The following ZNF470 variants were observed in gnomAD, a reference collection of about 807,000 sequenced individuals.
ZNF470 encodes chondrogenesis zinc finger protein 1.
ZNF470 carries 13 observed loss-of-function variants against 13.9 expected under a neutral mutation model. The ratio of observed to expected loss-of-function variants is 0.94; its 90% CI spans 0.61 to 1.49. ZNF470 has a LOEUF of 1.49. ZNF470 is among the 40% of genes most tolerant of loss of function. ZNF470 has a pLI of 0.00. For synonymous variants in ZNF470, 293 were observed against 282.9 expected (o/e 1.04, Z -0.36); for missense variants, 929 against 857.3 (o/e 1.08, Z -1.04).
At position 56,577,477 on chromosome 19, in the gene ZNF470, A is replaced by G. The variant is rs140927905; in HGVS notation, c.1048A>G (p.Ser350Gly). ...YECIECGKAF[S>G]DCSSLAHHRR... ...ATGTATTGAATGTGGGAAGGCTTTT[A>G]GTGATTGCTCATCCCTAGCTCATCA... is the stretch of plus-strand genomic sequence containing the variant. Residue 350 changes from serine to glycine, a missense_variant, in exon 6 of 6, where the codon AGT (serine) becomes GGT (glycine). Transcript: ENST00000330619. 1.6e-5 allele frequency: 26 copies of G among 1,613,460 alleles called. No homozygotes were observed. The Admixed American group carries it at 3.3e-4, about 21-fold the overall frequency.
At chr19:56,569,447 G>A (rs2044434842) in intron 2 of ZNF470, among the ~76,000 whole-genome samples, 2 of 152,286 alleles carry the variant, frequency 1.3e-5, no homozygotes, top group South Asian at 2.1e-4. Context: ...ACTGCACAGA[G>A]GACTTATTTT....
chr19:56,567,556 T>C lies in ZNF470; in HGVS notation c.-641T>C. ...GTCTGGGCGGGGCAGCGGCCGAGGC[T>C]GGACTGGGGCGCGGCGGGGGCGGTG... is the stretch of plus-strand genomic sequence containing the variant. On this transcript the variant is annotated 5_prime_UTR_variant, in exon 1 of 6. Transcript: ENST00000330619. 1.0e-6 allele frequency: 1 copy of C among 984,670 alleles called. No individual in the cohort carries two copies. The highest frequency in any genetic ancestry group is 1.2e-6 in the Non-Finnish European group (1 of 830,310). The allele number at this position is 984,670 out of a possible 1,614,324, so 61.0% of individuals were successfully genotyped here. A position where few individuals can be genotyped will look rare whatever the true frequency, so the allele number is the denominator to read the frequency against.
rs777892153 is a variant in ZNF470 at position 56,578,631 on chromosome 19, CAT to C, written c.*49_*50del. On this transcript the variant is annotated 3_prime_UTR_variant, in exon 6 of 6. Transcript: ENST00000330619. Reference sequence around the variant, plus strand: ...AGCATCCATCTGCTTTTTTCCAGCACATGTCCCATCATCATAGTCCAAGACGC... The same window carrying C: ...AGCATCCATCTGCTTTTTTCCAGCACGTCCCATCATCATAGTCCAAGACGC... 1.4e-6 allele frequency: 2 copies of C among 1,436,410 alleles called. No individual in the cohort carries two copies. Among genetic ancestry groups the C allele is most frequent in the Non-Finnish European group, 1.8e-6 (2 of 1,091,134 alleles). 89.0% of individuals were successfully genotyped at this position (1,436,410 alleles called of 1,614,324 possible).
Position 56,582,701 on chromosome 19 carries a change from A to G in ZNF470, c.*4118A>G. On this transcript the variant is annotated 3_prime_UTR_variant, in exon 6 of 6. Transcript: ENST00000330619. ...CTAATCCCATAGGACTAGTGTCCTTATAAGAGGAAGAGACACCAGAGGTTT... is the reference window on the plus strand; with the variant it reads ...CTAATCCCATAGGACTAGTGTCCTTGTAAGAGGAAGAGACACCAGAGGTTT... 2.6e-6 allele frequency: 1 copy of G among 378,864 alleles called. No homozygotes were observed. Among genetic ancestry groups the G allele is most frequent in the Non-Finnish European group, 3.6e-6 (1 of 275,780 alleles). The allele number at this position is 378,864 out of a possible 1,614,324, so 23.5% of individuals were successfully genotyped here.
rs928202563 is a variant in ZNF470 at position 56,580,041 on chromosome 19, G to GA, written c.*1464dup. ...GTGCTCTTACAGATCTAGTAGAACA[G>GA]AAAAAATTAAATGCATGCTATGTGA... On this transcript the variant is annotated 3_prime_UTR_variant, in exon 6 of 6. Transcript: ENST00000330619. The GA allele has an allele frequency of 4.6e-6, 3 of 652,298 alleles. No homozygotes were observed. The highest frequency in any genetic ancestry group is 6.9e-5 in the South Asian group (1 of 14,524). The allele number at this position is 652,298 out of a possible 1,614,324, so 40.4% of individuals were successfully genotyped here.
chr19:56,575,930 G>A (rs1482240508), intron 5 of ZNF470, among the ~76,000 whole-genome samples: 2 of 152,138 alleles, frequency 1.3e-5, no homozygotes, highest in Non-Finnish European at 2.9e-5. Context: ...TAAGTTATAT[G>A]TAGTGATTTA....
Position 56,576,786 on chromosome 19 carries a change from A to G in ZNF470, c.357A>G (p.Ala119=), listed in dbSNP as rs2044491465. The G allele has an allele frequency of 1.3e-6, 2 of 1,551,832 alleles. No homozygotes were observed. The highest frequency in any genetic ancestry group is 1.7e-6 in the Non-Finnish European group (2 of 1,154,986). Residue 119 remains alanine, a synonymous_variant, in exon 6 of 6, where the codon GCA becomes GCG. Coordinates refer to ENST00000330619, the MANE Select transcript of ZNF470 (RefSeq NM_001001668.4). Reference sequence around the variant, plus strand: ...TTTATGAAGAAAAATTACCCCCGGCAATCATAATGGAAAGACTTAAAAGCT... The same window carrying G: ...TTTATGAAGAAAAATTACCCCCGGCGATCATAATGGAAAGACTTAAAAGCT... ...QDIYEEKLPP[A]IIMERLKSYD... is the part of the protein sequence containing the mutation.
At position 56,579,208 on chromosome 19, in the gene ZNF470, GC is replaced by G. The variant is rs1401716088; in HGVS notation, c.*626del. 2.1e-6 allele frequency: 2 copies of G among 939,390 alleles called. No homozygotes were observed. The highest frequency in any genetic ancestry group is 2.5e-6 in the Non-Finnish European group (2 of 788,192). 58.2% of individuals were successfully genotyped at this position (939,390 alleles called of 1,614,324 possible). A position where few individuals can be genotyped will look rare whatever the true frequency, so the allele number is the denominator to read the frequency against. On this transcript the variant is annotated 3_prime_UTR_variant, in exon 6 of 6. Coordinates refer to ENST00000330619, the MANE Select transcript of ZNF470 (RefSeq NM_001001668.4). ...AGGCTGAGGCAGGCAGATTGCTTGA[GC>G]TCAGGAGTTCGAGACCAACCTGAGC...
At position 56,572,773 on chromosome 19, in the gene ZNF470, C is replaced by G. The variant is rs148474872; in HGVS notation, c.61-1621C>G. On this transcript the variant is annotated intron_variant, in intron 3 of 5. Coordinates refer to ENST00000330619, the MANE Select transcript of ZNF470 (RefSeq NM_001001668.4). ...TGAAAAACGATGAAGAACTGTCAACCTAGAATACTATGTCCAGGGAAAGTA... is the reference window on the plus strand; with the variant it reads ...TGAAAAACGATGAAGAACTGTCAACGTAGAATACTATGTCCAGGGAAAGTA... 3.1e-3 allele frequency among the ~76,000 whole-genome samples: 479 copies of G among 152,068 alleles called. 5 individuals are homozygous for G. The highest frequency in any genetic ancestry group is 0.011 in the African/African-American group (454 of 41,466).
Position 56,570,377 on chromosome 19 carries a change from T to G in ZNF470, c.60+6T>G. 1 of 1,613,714 alleles carries G rather than the reference T, an allele frequency of 6.2e-7. No homozygotes were observed. Among genetic ancestry groups the G allele is most frequent in the Non-Finnish European group, 8.5e-7 (1 of 1,179,672 alleles). On this transcript the variant is annotated splice_donor_region_variant and intron_variant, in intron 3 of 5. Transcript: ENST00000330619. ...TTTGTAAAGCCATGTCCCTGGTGAGTTAGTATTCCCCCTCTCCCCACTAAA... is the reference window on the plus strand; with the variant it reads ...TTTGTAAAGCCATGTCCCTGGTGAGGTAGTATTCCCCCTCTCCCCACTAAA...
rs1016189716 is a variant in ZNF470 at position 56,581,809 on chromosome 19, G to A, written c.*3226G>A. ...ACCCTACCATATGTTTTTGATGGAC[G>A]TGGCCAATAAAATTGTCTCTGAATT... is the stretch of plus-strand genomic sequence containing the variant. On this transcript the variant is annotated 3_prime_UTR_variant, in exon 6 of 6. Coordinates refer to ENST00000330619, the MANE Select transcript of ZNF470 (RefSeq NM_001001668.4). 43 of 985,212 alleles carry A rather than the reference G, an allele frequency of 4.4e-5. 1 individual carries two copies. In the Admixed American group the frequency reaches 1.1e-3, roughly 25 times the overall value. 61.0% of individuals were successfully genotyped at this position (985,212 alleles called of 1,614,324 possible).
In ZNF470 at chr19:56,578,853, A is replaced by T; in HGVS notation, c.*270A>T. The T allele has an allele frequency of 8.8e-7, 1 of 1,142,290 alleles. No homozygotes were observed. Among genetic ancestry groups the T allele is most frequent in the Non-Finnish European group, 1.1e-6 (1 of 928,564 alleles). The allele number at this position is 1,142,290 out of a possible 1,614,324, so 70.8% of individuals were successfully genotyped here. On this transcript the variant is annotated 3_prime_UTR_variant, in exon 6 of 6. Coordinates refer to ENST00000330619, the MANE Select transcript of ZNF470 (RefSeq NM_001001668.4). ...TCAAGGATTTAGCACACACTGGCAT[A>T]TAGTTATTGCTAAATAAATGCTAGC...
chr19:56,567,558 G>T lies in ZNF470; in HGVS notation c.-639G>T. Reference sequence around the variant, plus strand: ...CTGGGCGGGGCAGCGGCCGAGGCTGGACTGGGGCGCGGCGGGGGCGGTGTC... The same window carrying T: ...CTGGGCGGGGCAGCGGCCGAGGCTGTACTGGGGCGCGGCGGGGGCGGTGTC... On this transcript the variant is annotated 5_prime_UTR_variant, in exon 1 of 6. Transcript: ENST00000330619. 2 of 985,750 alleles carry T rather than the reference G, an allele frequency of 2.0e-6. No homozygotes were observed. The highest frequency in any genetic ancestry group is 4.7e-5 in the South Asian group (1 of 21,428). The allele number at this position is 985,750 out of a possible 1,614,324, so 61.1% of individuals were successfully genotyped here. A position where few individuals can be genotyped will look rare whatever the true frequency, so the allele number is the denominator to read the frequency against.
rs907031940 is a variant in ZNF470 at position 56,577,447 on chromosome 19, T to C, written c.1018T>C (p.Tyr340His). The C allele has an allele frequency of 3.1e-6, 5 of 1,613,730 alleles. No homozygotes were observed. The highest frequency in any genetic ancestry group is 4.2e-6 in the Non-Finnish European group (5 of 1,179,662). ...GAGGGTCCACACTGGAGAGAAACCCTATGAATGTATTGAATGTGGGAAGGC... is the reference window on the plus strand; with the variant it reads ...GAGGGTCCACACTGGAGAGAAACCCCATGAATGTATTGAATGTGGGAAGGC... Reference protein sequence around the residue: ...HQRVHTGEKPYECIECGKAFS... With the variant: ...HQRVHTGEKPHECIECGKAFS... The change falls in exon 6 of 6, where the codon TAT becomes CAT. Residue 340 changes from tyrosine to histidine, a missense_variant. Tyr to His is a moderately conservative substitution (Grantham distance 83, BLOSUM62 2). Transcript: ENST00000330619.
In ZNF470 at chr19:56,581,484, A is replaced by G. The variant is rs1260533997; in HGVS notation, c.*2901A>G. On this transcript the variant is annotated 3_prime_UTR_variant, in exon 6 of 6. Coordinates refer to ENST00000330619, the MANE Select transcript of ZNF470 (RefSeq NM_001001668.4). Reference sequence around the variant, plus strand: ...TTAGTGGCAAAAAAATTAATGGTAAACTATTAAAACAACAAGTGTCCATCA... The same window carrying G: ...TTAGTGGCAAAAAAATTAATGGTAAGCTATTAAAACAACAAGTGTCCATCA... The G allele has an allele frequency of 1.1e-6, 1 of 910,238 alleles. No homozygotes were observed. Among genetic ancestry groups the G allele is most frequent in the Non-Finnish European group, 1.3e-6 (1 of 761,778 alleles). The allele number at this position is 910,238 out of a possible 1,614,324, so 56.4% of individuals were successfully genotyped here.
Position 56,582,509 on chromosome 19 carries a change from A to T in ZNF470, c.*3926A>T, listed in dbSNP as rs558041446. The T allele has an allele frequency of 6.5e-5, 64 of 985,422 alleles. 3 individuals carry two copies. The South Asian group carries it at 1.4e-3, about 22-fold the overall frequency. 61.0% of individuals were successfully genotyped at this position (985,422 alleles called of 1,614,324 possible). On this transcript the variant is annotated 3_prime_UTR_variant, in exon 6 of 6. Coordinates refer to ENST00000330619, the MANE Select transcript of ZNF470 (RefSeq NM_001001668.4). ...TACTTTATTCACAAGAGTCACTGTGAATTGAATTGTGAATTCAGTTCTGAA... is the reference window on the plus strand; with the variant it reads ...TACTTTATTCACAAGAGTCACTGTGTATTGAATTGTGAATTCAGTTCTGAA...
At position 56,577,413 on chromosome 19, in the gene ZNF470, T is replaced by C. The variant is rs1237536930; in HGVS notation, c.984T>C (p.Ala328=). 1.9e-6 allele frequency: 3 copies of C among 1,613,892 alleles called. No homozygotes were observed. In the Admixed American group the frequency reaches 5.0e-5, roughly 27 times the overall value. The part of the protein sequence containing the change: ...NKAFSQLAHL[A]QHQRVHTGEK... Reference sequence around the variant, plus strand: ...CATTCAGCCAGCTTGCACACCTTGCTCAACATCAGAGGGTCCACACTGGAG... The same window carrying C: ...CATTCAGCCAGCTTGCACACCTTGCCCAACATCAGAGGGTCCACACTGGAG... Residue 328 remains alanine (A), a synonymous_variant, in exon 6 of 6, where the codon GCT becomes GCC. Coordinates refer to ENST00000330619, the MANE Select transcript of ZNF470 (RefSeq NM_001001668.4).
rs1418258876 is a variant in ZNF470 at position 56,581,469 on chromosome 19, A to T, written c.*2886A>T. The T allele has an allele frequency of 1.1e-6, 1 of 938,654 alleles. No individual in the cohort carries two copies. The highest frequency in any genetic ancestry group is 1.2e-4 in the East Asian group (1 of 8,600). 58.1% of individuals were successfully genotyped at this position (938,654 alleles called of 1,614,324 possible). A position where few individuals can be genotyped will look rare whatever the true frequency, so the allele number is the denominator to read the frequency against. Reference sequence around the variant, plus strand: ...AGGTAGATAAATGTATTAGTGGCAAAAAAATTAATGGTAAACTATTAAAAC... The same window carrying T: ...AGGTAGATAAATGTATTAGTGGCAATAAAATTAATGGTAAACTATTAAAAC... On this transcript the variant is annotated 3_prime_UTR_variant, in exon 6 of 6. Coordinates refer to ENST00000330619, the MANE Select transcript of ZNF470 (RefSeq NM_001001668.4).
chr19:56,572,371 A>AATATGTATATATATATAT (rs2044459552), intron 3 of ZNF470, among the ~76,000 whole-genome samples: 1 of 17,242 alleles, frequency 5.8e-5, no homozygotes, highest in African/African-American at 8.3e-4. Context: ...AAAAAAAAAA[A>AATATGTATATATATATAT]ATATATATAT....
Sources: allele counts gnomAD v4.1 joint callset (sites outside exome capture counted in the v4.1 genomes callset), GRCh38; gene constraint gnomAD v4.1.1; transcripts MANE v1.5; gene names NCBI Gene and HGNC (gene_info 2026-07-23, HGNC 2026-07-21).